BLTP3B: variants seen among roughly 807,000 people sequenced by gnomAD.
BLTP3B encodes UHRF1 (ICBP90) binding protein 1-like.
chr12:100,098,397 A>G, the BLTP3B span: 5 of 1,612,992 alleles, frequency 3.1e-6, no homozygotes, highest in African/African-American at 4.0e-5. Context: ...TCAAATCTCC[A>G]TGTTCCCAGT....
the BLTP3B span, chr12:100,057,730 G>T: frequency 6.2e-7 from 1 of 1,610,556 alleles, no homozygotes; most frequent in African/African-American, 1.3e-5. Flanking sequence ...GGTGGGCAAC[G>T]TTCCTTAGGC....
At chr12:100,087,888 C>G in the BLTP3B span, among the ~76,000 whole-genome samples, 1 of 152,156 alleles carries the variant, frequency 6.6e-6, no homozygotes, top group Non-Finnish European at 1.5e-5. Context: ...TTTGTTCTAA[C>G]TTTTTTGGAT....
the BLTP3B span, among the ~76,000 whole-genome samples, chr12:100,080,702 TCAGA>T: frequency 6.6e-6 from 1 of 152,204 alleles, no homozygotes; most frequent in Non-Finnish European, 1.5e-5. Flanking sequence ...TTGTCTTGTC[TCAGA>T]CAGGACATTG....
At chr12:100,093,068 T>C in the BLTP3B span, 4 of 536,888 alleles carry the variant, frequency 7.5e-6, no homozygotes, top group Non-Finnish European at 4.7e-6. Flanking sequence ...AATTCTTCAA[T>C]ACATTATACA....
At chr12:100,102,928 A>G in the BLTP3B span, 3 of 957,412 alleles carry the variant, frequency 3.1e-6, 1 homozygote, top group East Asian at 6.2e-5. Flanking sequence ...ATTATTTAAG[A>G]TTATTTTCTC....
At chr12:100,037,094 T>G in the BLTP3B span, 1 of 884,992 alleles carries the variant, frequency 1.1e-6, no homozygotes, top group Non-Finnish European at 1.4e-6. Flanking sequence ...ATTAATTATA[T>G]AGTTTATTGA....
At chr12:100,054,192 C>G in the BLTP3B span, among the ~76,000 whole-genome samples, 2 of 152,056 alleles carry the variant, frequency 1.3e-5, no homozygotes, top group Non-Finnish European at 2.9e-5. Context: ...ATGGTACATT[C>G]TTATGACAAT....
chr12:100,037,171 A>T, the BLTP3B span: 3 of 920,160 alleles, frequency 3.3e-6, no homozygotes, highest in Non-Finnish European at 3.9e-6. Flanking sequence ...ATAACATTTA[A>T]AATGTAAGCC....
the BLTP3B span, among the ~76,000 whole-genome samples, chr12:100,045,022 C>T: frequency 3.9e-5 from 6 of 152,058 alleles, no homozygotes; most frequent in African/African-American, 1.4e-4. Flanking sequence ...GAATAAAATA[C>T]CTAGGAATCC....
At chr12:100,116,274 G>A in the BLTP3B span, among the ~76,000 whole-genome samples, 1 of 151,436 alleles carries the variant, frequency 6.6e-6, no homozygotes, top group Non-Finnish European at 1.5e-5. Context: ...CCCAGAAGTA[G>A]TGAGACCTCA....
the BLTP3B span, chr12:100,098,283 AT>A: frequency 4.7e-6 from 7 of 1,476,952 alleles, no homozygotes; most frequent in African/African-American, 7.1e-5. Context: ...ATGAGATGTG[AT>A]TTTTTTAATC....
chr12:100,074,459 C>G, the BLTP3B span, among the ~76,000 whole-genome samples: 11 of 151,906 alleles, frequency 7.2e-5, no homozygotes, highest in Admixed American at 2.6e-4. Context: ...ATCAGCTGGG[C>G]GTGGTGGCAC....
chr12:100,106,384 A>C, the BLTP3B span, among the ~76,000 whole-genome samples: 1 of 152,248 alleles, frequency 6.6e-6, no homozygotes, highest in Non-Finnish European at 1.5e-5. Context: ...GAGTGGTTAC[A>C]GAAAATGTGG....
the BLTP3B span, among the ~76,000 whole-genome samples, chr12:100,087,255 T>C: frequency 6.6e-6 from 1 of 151,452 alleles, no homozygotes; most frequent in Non-Finnish European, 1.5e-5. Context: ...CAAAAGTAGA[T>C]TACAAATTGG....
the BLTP3B span, among the ~76,000 whole-genome samples, chr12:100,099,151 C>T: frequency 1.3e-5 from 2 of 151,354 alleles, no homozygotes; most frequent in African/African-American, 4.8e-5. Flanking sequence ...CACCACCATA[C>T]CTGGCTAATT....
chr12:100,059,573 T>C, the BLTP3B span: 2 of 1,525,388 alleles, frequency 1.3e-6, no homozygotes, highest in Non-Finnish European at 1.8e-6. Flanking sequence ...AACTGGCAAA[T>C]CCATACATCT....
At chr12:100,051,206 G>A in the BLTP3B span, 116,355 of 1,610,104 alleles carry the variant, frequency 0.072, 4,557 homozygotes, top group South Asian at 0.095. Context: ...ATTTGTAGTT[G>A]AGTTCTTTTT....
chr12:100,102,110 C>CTTTTTTTTT, the BLTP3B span, among the ~76,000 whole-genome samples: 5 of 135,094 alleles, frequency 3.7e-5, no homozygotes, highest in African/African-American at 1.4e-4. Context: ...CAACTTAACT[C>CTTTTTTTTT]TTTTTTTTTT....
the BLTP3B span, among the ~76,000 whole-genome samples, chr12:100,097,848 T>C: frequency 3.3e-5 from 5 of 152,138 alleles, no homozygotes; most frequent in Admixed American, 1.3e-4. Context: ...GAAGTTAAAA[T>C]AGGGCTTTAA....
Sources: allele counts gnomAD v4.1 joint callset (sites outside exome capture counted in the v4.1 genomes callset), GRCh38; gene constraint gnomAD v4.1.1; transcripts MANE v1.5; gene names NCBI Gene and HGNC (gene_info 2026-07-23, HGNC 2026-07-21).